EPC1: variants seen among roughly 807,000 people sequenced by gnomAD.
The protein encoded by EPC1 is enhancer of polycomb homolog 1.
Under a neutral mutation model 98.4 loss-of-function variants are expected in EPC1, and 12 were observed. The observed-to-expected ratio is 0.12, with a 90% CI of 0.08 to 0.20. EPC1 has a LOEUF of 0.20. Ranked by LOEUF, EPC1 falls within the 10% of genes least tolerant of loss-of-function variation. The pLI is 1.00. For missense variants in EPC1, 729 were observed against 990.5 expected, an observed-to-expected ratio of 0.74 and a Z score of 3.54; for synonymous variants, 357 against 363.9, an observed-to-expected ratio of 0.98 and a Z score of 0.21.
In EPC1 at chr10:32,284,329, G is replaced by A. The variant is rs529832160; in HGVS notation, c.1744+369C>T. On this transcript the variant is annotated intron_variant, in intron 10 of 13. Coordinates refer to ENST00000319778, the MANE Select transcript of EPC1 (RefSeq NM_001272004.3). The stretch of plus-strand genomic sequence containing the variant: ...TTCACTTGCTGGTCTCTATGTTAAA[G>A]CAAACTAGGTAAAAACTAGAGAAAT... 122 of 174,626 alleles carry A rather than the reference G, an allele frequency of 7.0e-4. 4 individuals carry two copies. In the South Asian group the frequency reaches 0.019, roughly 27 times the overall value. 10.8% of individuals were successfully genotyped at this position (174,626 alleles called of 1,614,324 possible). A position where few individuals can be genotyped will look rare whatever the true frequency, so the allele number is the denominator to read the frequency against.
intron 1 of EPC1, among the ~76,000 whole-genome samples, chr10:32,322,636 T>C (rs1836997611): frequency 6.6e-6 from 1 of 152,214 alleles, no homozygotes; most frequent in Non-Finnish European, 1.5e-5. Context: ...GTTTTACTTA[T>C]CTAAAATATA....
intron 1 of EPC1, among the ~76,000 whole-genome samples, chr10:32,321,370 G>T (rs1836904817): frequency 6.6e-6 from 1 of 151,618 alleles, no homozygotes; most frequent in South Asian, 2.1e-4. Flanking sequence ...TTCAGAGATG[G>T]GGTCTTGCTA....
chr10:32,293,569 G>T, intron 3 of EPC1, 23 bp downstream of exon 3: 1 of 1,600,804 alleles, frequency 6.2e-7, no homozygotes. Flanking sequence ...GTATATACTT[G>T]TTATATACAA....
chr10:32,376,117 T>C (rs886820017), intron 1 of EPC1, among the ~76,000 whole-genome samples: 1 of 152,004 alleles, frequency 6.6e-6, no homozygotes, highest in Non-Finnish European at 1.5e-5. Flanking sequence ...ATATAAAATG[T>C]TATCAGTCAT....
At chr10:32,289,473 C>T (rs910992111) in intron 6 of EPC1, among the ~76,000 whole-genome samples, 12 of 150,620 alleles carry the variant, frequency 8.0e-5, no homozygotes, top group African/African-American at 1.2e-4. Flanking sequence ...AACTGTGTGG[C>T]AGGTTGTACA....
Position 32,345,052 on chromosome 10 carries a change from A to G in EPC1, c.153+1711T>C, listed in dbSNP as rs547600856. ...AGGGCAGGGTAAAACCAACACCCCA[A>G]TACTTGAAAGTATTATCTGTAAAAC... On this transcript the variant is annotated intron_variant, in intron 1 of 13. Transcript: ENST00000319778. The G allele has an allele frequency of 4.7e-4, 358 of 758,874 alleles. No individual in the cohort carries two copies. The African/African-American group carries it at 6.5e-3, about 14-fold the overall frequency. The allele number at this position is 758,874 out of a possible 1,614,324, so 47.0% of individuals were successfully genotyped here. A position where few individuals can be genotyped will look rare whatever the true frequency, so the allele number is the denominator to read the frequency against.
At chr10:32,276,788 C>G (rs1168695752) in intron 10 of EPC1, among the ~76,000 whole-genome samples, 1 of 152,156 alleles carries the variant, frequency 6.6e-6, no homozygotes, top group African/African-American at 2.4e-5. Flanking sequence ...CTCACCCTCT[C>G]TAAATGTCTA....
exon 1 of EPC1, chr10:32,378,699 G>A (rs1432162756): frequency 6.1e-6 from 3 of 488,954 alleles, no homozygotes; most frequent in East Asian, 3.3e-5. Context: ...GCTTTTGGGG[G>A]AAATCGGAGA....
At chr10:32,285,101 T>C (rs779111087) in intron 9 of EPC1, 51 bp from the exon 10 acceptor site, 5 of 1,439,788 alleles carry the variant, frequency 3.5e-6, no homozygotes, top group Non-Finnish European at 4.7e-6. Context: ...TATTCAAAGA[T>C]TATATATTAA....
Position 32,331,968 on chromosome 10 carries a change from G to C in EPC1, c.153+14795C>G, listed in dbSNP as rs12220615. 1.8e-3 allele frequency among the ~76,000 whole-genome samples: 267 copies of C among 152,270 alleles called. 4 individuals carry two copies. The East Asian group carries it at 0.043, about 24-fold the overall frequency. ...TTACTTTATTAGTCTCATTCCAAAA[G>C]CTCAAAGGCAGAAAAACACAAAACA... is the stretch of plus-strand genomic sequence containing the variant. On this transcript the variant is annotated intron_variant, in intron 1 of 13. Coordinates refer to ENST00000319778, the MANE Select transcript of EPC1 (RefSeq NM_001272004.3).
intron 1 of EPC1, among the ~76,000 whole-genome samples, chr10:32,313,161 A>G (rs1305714488): frequency 6.6e-5 from 10 of 152,204 alleles, no homozygotes; most frequent in Admixed American, 6.5e-4. Context: ...AACCAATGAC[A>G]ATGGAATCAT....
At chr10:32,314,705 T>G (rs1836451287) in intron 1 of EPC1, among the ~76,000 whole-genome samples, 1 of 152,204 alleles carries the variant, frequency 6.6e-6, no homozygotes, top group Non-Finnish European at 1.5e-5. Flanking sequence ...ACAGGCCATA[T>G]CACTAATGTT....
In EPC1 at chr10:32,271,725, C is replaced by T. The variant is rs569982264; in HGVS notation, c.2198G>A (p.Arg733Gln). ...GGCAACTGATGAAGGTACAGTTAAT[C>T]GAATGTTGTTCCCAATCAGAACCTG... ...TTQVLIGNNI[R>Q]LTVPSSVATV... The change falls in exon 13 of 14, where the codon CGA becomes CAA. Residue 733 changes from arginine to glutamine, a missense_variant. Arg to Gln is a conservative substitution (Grantham distance 43). Coordinates refer to ENST00000319778, the MANE Select transcript of EPC1 (RefSeq NM_001272004.3). 22 of 1,614,146 alleles carry T rather than the reference C, an allele frequency of 1.4e-5. No homozygotes were observed. In the African/African-American group the frequency reaches 2.0e-4, roughly 15 times the overall value.
chr10:32,296,888 C>G (rs1429070869), intron 2 of EPC1, among the ~76,000 whole-genome samples: 2 of 147,090 alleles, frequency 1.4e-5, no homozygotes, highest in East Asian at 3.9e-4. Context: ...GCCTGGGCGA[C>G]AGAGCAAGAC....
chr10:32,271,606 T>A lies in EPC1; in HGVS notation c.2317A>T (p.Asn773Tyr). Residue 773 changes from asparagine (N) to tyrosine (Y), a missense_variant, in exon 13 of 14, where the codon AAC becomes TAC. Around this residue, in one of 6 missense-constraint regions of EPC1, gnomAD observed 156 missense variants for 188.9 expected, o/e 0.83. Coordinates refer to ENST00000319778, the MANE Select transcript of EPC1 (RefSeq NM_001272004.3). ...SSALKLAAAA[N>Y]CQVSKVPSSS... ...GATGGGACCTTGGAAACTTGACAGT[T>A]TGCTGCAGCGGCCAGCTTTAAGGCA... is the stretch of plus-strand genomic sequence containing the variant. The A allele has an allele frequency of 6.2e-7, 1 of 1,614,200 alleles. No individual in the cohort carries two copies. The highest frequency in any genetic ancestry group is 8.5e-7 in the Non-Finnish European group (1 of 1,180,030).
At chr10:32,367,809 G>A (rs1023831369) in intron 1 of EPC1, among the ~76,000 whole-genome samples, 1 of 152,218 alleles carries the variant, frequency 6.6e-6, no homozygotes, top group Admixed American at 6.5e-5. Context: ...CCATTCTGCT[G>A]TTAGCCAGCC....
chr10:32,296,071 C>T (rs989959955), intron 2 of EPC1, among the ~76,000 whole-genome samples: 3 of 151,908 alleles, frequency 2.0e-5, no homozygotes, highest in African/African-American at 7.3e-5. Context: ...TTACAGGCAC[C>T]TGCCACCACG....
At chr10:32,345,893 A>G (rs1171525867) in intron 1 of EPC1, among the ~76,000 whole-genome samples, 1 of 152,220 alleles carries the variant, frequency 6.6e-6, no homozygotes, top group Non-Finnish European at 1.5e-5. Context: ...TTGAGATACC[A>G]GAGAGCAGGA....
intron 13 of EPC1, 195 bp from the exon 14 acceptor site, chr10:32,269,330 T>C (rs1835724903): frequency 2.0e-6 from 1 of 494,498 alleles, no homozygotes; most frequent in Non-Finnish European, 3.6e-6. Context: ...TATAAATAAA[T>C]TCCACAGTCA....
Sources: allele counts gnomAD v4.1 joint callset (sites outside exome capture counted in the v4.1 genomes callset), GRCh38; gene constraint gnomAD v4.1.1; regional missense constraint gnomAD v4.1.1; transcripts MANE v1.5; gene names NCBI Gene and HGNC (gene_info 2026-07-23, HGNC 2026-07-21).